Variants in HYCC1 observed in about 807,000 individuals in gnomAD.
The protein encoded by HYCC1 is hyccin.
the HYCC1 span, chr7:22,938,094 T>C: frequency 6.6e-6 from 1 of 152,242 alleles, no homozygotes; most frequent in African/African-American, 2.4e-5. Flanking sequence ...CTTAGTTGTT[T>C]ATTCCAGGAA....
chr7:22,999,001 A>G, the HYCC1 span, among the ~76,000 whole-genome samples: 1 of 152,140 alleles, frequency 6.6e-6, no homozygotes, highest in Non-Finnish European at 1.5e-5. Context: ...CTACCTAGGA[A>G]AAACTTGGGG....
chr7:22,953,438 G>A, the HYCC1 span, among the ~76,000 whole-genome samples: 6 of 151,784 alleles, frequency 4.0e-5, no homozygotes, highest in Non-Finnish European at 7.4e-5. Flanking sequence ...AATAATTTAC[G>A]AACAAGTTTT....
At chr7:22,985,455 T>G in the HYCC1 span, 1 of 152,158 alleles carries the variant, frequency 6.6e-6, no homozygotes, top group Admixed American at 6.5e-5. Context: ...TTGCTTATAC[T>G]TTGGTAGATT....
At chr7:22,980,283 T>A in the HYCC1 span, among the ~76,000 whole-genome samples, 1 of 151,746 alleles carries the variant, frequency 6.6e-6, no homozygotes, top group Non-Finnish European at 1.5e-5. Context: ...TGTTTTTTTT[T>A]TTTCATGGAA....
At chr7:22,941,060 G>A in the HYCC1 span, 1 of 152,088 alleles carries the variant, frequency 6.6e-6, no homozygotes, top group Non-Finnish European at 1.5e-5. Flanking sequence ...ATGAATACGA[G>A]TGGACCTGTC....
At chr7:23,013,955 ACCT>A in the HYCC1 span, 1 of 470,654 alleles carries the variant, frequency 2.1e-6, no homozygotes, top group African/African-American at 2.0e-5. Context: ...CACCTGCAGG[ACCT>A]CGACTCGTGA....
the HYCC1 span, among the ~76,000 whole-genome samples, chr7:22,975,138 C>T: frequency 6.6e-6 from 1 of 152,158 alleles, no homozygotes; most frequent in Non-Finnish European, 1.5e-5. Flanking sequence ...AATTATTCCA[C>T]ATGTTCCTTA....
At chr7:22,967,880 T>C in the HYCC1 span, among the ~76,000 whole-genome samples, 4 of 152,228 alleles carry the variant, frequency 2.6e-5, no homozygotes, top group Non-Finnish European at 5.9e-5. Context: ...GTTTCAGATA[T>C]GTTGATTTTT....
chr7:23,008,904 A>G, the HYCC1 span, among the ~76,000 whole-genome samples: 41 of 152,188 alleles, frequency 2.7e-4, no homozygotes, highest in African/African-American at 9.1e-4. Context: ...AACAGAGGTG[A>G]ATAGTCACAT....
chr7:22,929,241 G>A, the HYCC1 span, among the ~76,000 whole-genome samples: 1,185 of 152,196 alleles, frequency 7.8e-3, 32 homozygotes, highest in Non-Finnish European at 5.4e-3. Flanking sequence ...AAAAACCCTC[G>A]AAGAAAACCT....
the HYCC1 span, among the ~76,000 whole-genome samples, chr7:22,946,623 A>T: frequency 6.6e-5 from 10 of 152,182 alleles, no homozygotes; most frequent in African/African-American, 2.4e-4. Flanking sequence ...TTATCAAATT[A>T]AAAAAATCTA....
the HYCC1 span, among the ~76,000 whole-genome samples, chr7:22,924,012 A>G: frequency 1.3e-5 from 2 of 149,412 alleles, no homozygotes; most frequent in Non-Finnish European, 3.0e-5. Context: ...AAAAAAAAAA[A>G]AACCCAAAAA....
chr7:22,927,885 A>C, the HYCC1 span, among the ~76,000 whole-genome samples: 2 of 152,190 alleles, frequency 1.3e-5, no homozygotes, highest in Admixed American at 1.3e-4. Flanking sequence ...ACAACCAAAA[A>C]AGAGAATTTT....
the HYCC1 span, chr7:22,941,245 T>C: frequency 6.6e-6 from 1 of 152,142 alleles, no homozygotes; most frequent in East Asian, 1.9e-4. Context: ...ATGAGTAAAC[T>C]GATCTGGAAA....
At chr7:22,976,638 A>G in the HYCC1 span, 1 of 1,064,960 alleles carries the variant, frequency 9.4e-7, no homozygotes, top group Admixed American at 1.7e-5. Flanking sequence ...CTACTGAAAT[A>G]ATTTTCTTAA....
At chr7:22,987,581 C>T in the HYCC1 span, among the ~76,000 whole-genome samples, 5 of 152,034 alleles carry the variant, frequency 3.3e-5, no homozygotes, top group African/African-American at 9.7e-5. Context: ...AATGAGAGTC[C>T]ATAGCTAGAG....
At chr7:23,008,000 G>T in the HYCC1 span, among the ~76,000 whole-genome samples, 1 of 152,024 alleles carries the variant, frequency 6.6e-6, no homozygotes, top group Non-Finnish European at 1.5e-5. Context: ...ATTTAAATGA[G>T]AAATAAGCCA....
chr7:22,927,361 A>C, the HYCC1 span, among the ~76,000 whole-genome samples: 1 of 142,744 alleles, frequency 7.0e-6, no homozygotes, highest in Non-Finnish European at 1.6e-5. Flanking sequence ...ATAGAGACAC[A>C]AAAAAGCCTT....
the HYCC1 span, chr7:22,941,303 G>GT: frequency 7.9e-6 from 1 of 126,872 alleles, no homozygotes; most frequent in Non-Finnish European, 1.7e-5. Context: ...GGCAACACTT[G>GT]TTGTATAAAG....
Sources: allele counts gnomAD v4.1 joint callset (sites outside exome capture counted in the v4.1 genomes callset), GRCh38; gene constraint gnomAD v4.1.1; transcripts MANE v1.5; gene names NCBI Gene and HGNC (gene_info 2026-07-23, HGNC 2026-07-21).